The following TFDP2 variants were observed in gnomAD, a reference collection of about 807,000 sequenced individuals.
TFDP2 encodes the protein transcription factor Dp-2 (E2F dimerization partner 2).
Under a neutral mutation model 59.3 loss-of-function variants are expected in TFDP2, and 17 were observed. The ratio of observed to expected loss-of-function variants is 0.29; its 90% CI spans 0.20 to 0.43. The LOEUF is 0.43. Ranked by LOEUF, TFDP2 falls within the 20% of genes least tolerant of loss-of-function variation. The pLI, the probability that TFDP2 is intolerant of heterozygous loss-of-function variation, is 1.00. For synonymous variants in TFDP2, 180 were observed against 194.7 expected (o/e 0.92, Z 0.63); for missense variants, 391 against 528.8 (o/e 0.74, Z 2.56).
At position 142,046,800 on chromosome 3, in the gene TFDP2, G is replaced by A. The variant is rs78844587; in HGVS notation, c.83-41256C>T. On this transcript the variant is annotated intron_variant, in intron 3 of 12. Coordinates refer to ENST00000489671, the MANE Select transcript of TFDP2 (RefSeq NM_001178139.2). Reference sequence around the variant, plus strand: ...ATTGCCAATCTCTATTTGTAGCTTTGCTTTTTTGTGTATATTCCCAAATTT... The same window carrying A: ...ATTGCCAATCTCTATTTGTAGCTTTACTTTTTTGTGTATATTCCCAAATTT... 3.9e-5 allele frequency among the ~76,000 whole-genome samples: 6 copies of A among 152,090 alleles called. No individual in the cohort carries two copies. The East Asian group carries it at 1.2e-3, about 29-fold the overall frequency.
intron 3 of TFDP2, chr3:142,044,274 G>C (rs915399009): frequency 3.2e-5 from 6 of 189,406 alleles, no homozygotes; most frequent in Admixed American, 9.1e-5. Context: ...TCGCTCTGTC[G>C]CCAGGCTGGA....
Position 142,013,979 on chromosome 3 carries a change from C to T in TFDP2, c.83-8435G>A, listed in dbSNP as rs768913712. On this transcript the variant is annotated intron_variant, in intron 3 of 12. Transcript: ENST00000489671. ...TTAGGAAAAACCTTCTTCACCCAAGCCTACATCACATCCTCCTACAAGAAC... is the reference window on the plus strand; with the variant it reads ...TTAGGAAAAACCTTCTTCACCCAAGTCTACATCACATCCTCCTACAAGAAC... Among the ~76,000 whole-genome samples the T allele has an allele frequency of 3.4e-4, 51 of 152,166 alleles. 2 individuals carry two copies. The highest frequency in any genetic ancestry group is 6.8e-3 in the Middle Eastern group (2 of 294).
At chr3:142,042,514 G>T (rs1239110282) in intron 3 of TFDP2, among the ~76,000 whole-genome samples, 1 of 151,634 alleles carries the variant, frequency 6.6e-6, no homozygotes, top group Non-Finnish European at 1.5e-5. Flanking sequence ...TGGCCAGGAT[G>T]GTCTCGATCT....
intron 3 of TFDP2, among the ~76,000 whole-genome samples, chr3:142,067,392 T>C (rs1395389301): frequency 6.6e-6 from 1 of 151,398 alleles, no homozygotes; most frequent in East Asian, 1.9e-4. Context: ...ATGAAATACT[T>C]AGGTATAAAT....
intron 8 of TFDP2, among the ~76,000 whole-genome samples, chr3:141,973,423 T>C (rs1274492117): frequency 1.3e-5 from 2 of 152,102 alleles, no homozygotes; most frequent in South Asian, 2.1e-4. Flanking sequence ...ATGGCCATGA[T>C]AGTAAAATTA....
chr3:142,137,846 C>T (rs147879323), intron 1 of TFDP2, among the ~76,000 whole-genome samples: 12,651 of 149,500 alleles, frequency 0.085, 652 homozygotes, highest in Middle Eastern at 0.14. Context: ...TTCTCTTTTT[C>T]TGTCTCTGCC....
In TFDP2 at chr3:142,112,545, T is replaced by C. The variant is rs373318756; in HGVS notation, c.-92-10704A>G. Among the ~76,000 whole-genome samples, 11 of 152,308 alleles carry C rather than the reference T, an allele frequency of 7.2e-5. 1 individual carries two copies. The highest frequency in any genetic ancestry group is 2.6e-4 in the Admixed American group (4 of 15,298). On this transcript the variant is annotated intron_variant, in intron 1 of 12. Transcript: ENST00000489671. Reference sequence around the variant, plus strand: ...GAAAGACGTGGTAATAGGGAGCAAATGGGCTAACACTGTTACAGGTGAACA... The same window carrying C: ...GAAAGACGTGGTAATAGGGAGCAAACGGGCTAACACTGTTACAGGTGAACA...
chr3:141,989,441 G>A (rs1942500725), intron 6 of TFDP2: 1 of 152,196 alleles, frequency 6.6e-6, no homozygotes, highest in Non-Finnish European at 1.5e-5. Context: ...AACCTGTTCT[G>A]GGGCATACTA....
chr3:141,973,121 ATATTT>A (rs1294931360), intron 8 of TFDP2, among the ~76,000 whole-genome samples: 3 of 57,392 alleles, frequency 5.2e-5, no homozygotes, highest in Admixed American at 1.7e-4. Context: ...ATATATATAT[ATATTT>A]TTTTTTTTTA....
chr3:142,082,642 A>G (rs1429976181), intron 3 of TFDP2, among the ~76,000 whole-genome samples: 1 of 152,248 alleles, frequency 6.6e-6, no homozygotes, highest in African/African-American at 2.4e-5. Context: ...ACTAAACCGT[A>G]TTCAACAACA....
In TFDP2 at chr3:141,982,146, T is replaced by C. The variant is rs962141376; in HGVS notation, c.357-3464A>G. 4.6e-5 allele frequency among the ~76,000 whole-genome samples: 7 copies of C among 152,266 alleles called. No homozygotes were observed. In the East Asian group the frequency reaches 1.4e-3, roughly 29 times the overall value. On this transcript the variant is annotated intron_variant, in intron 6 of 12. Coordinates refer to ENST00000489671, the MANE Select transcript of TFDP2 (RefSeq NM_001178139.2). ...GATTTTAAATACTTAATATAAGGAA[T>C]GAATGTAAAATACCTCACTAGTGAT...
At chr3:142,047,755 G>C (rs1162759859) in intron 3 of TFDP2, among the ~76,000 whole-genome samples, 2 of 64,886 alleles carry the variant, frequency 3.1e-5, no homozygotes, top group Non-Finnish European at 3.0e-5. Context: ...TTTTTTTTTT[G>C]AGATGGAGTT....
At chr3:141,982,722 G>A (rs1388512493) in intron 6 of TFDP2, among the ~76,000 whole-genome samples, 1 of 152,162 alleles carries the variant, frequency 6.6e-6, no homozygotes, top group Non-Finnish European at 1.5e-5. Context: ...TAGTCCTTAA[G>A]TAGGAACAAC....
intron 6 of TFDP2, among the ~76,000 whole-genome samples, chr3:141,986,516 T>G (rs1169748404): frequency 6.6e-6 from 1 of 152,242 alleles, no homozygotes; most frequent in Non-Finnish European, 1.5e-5. Flanking sequence ...TGTATTTCAT[T>G]CATTTCATTG....
At chr3:142,009,724 A>G (rs565788226) in intron 3 of TFDP2, among the ~76,000 whole-genome samples, 40 of 150,586 alleles carry the variant, frequency 2.7e-4, no homozygotes, top group East Asian at 1.7e-3. Flanking sequence ...AAAAAAAAAA[A>G]AAAGAAAGAA....
At chr3:142,029,601 T>C (rs1227167936) in intron 3 of TFDP2, among the ~76,000 whole-genome samples, 1 of 152,154 alleles carries the variant, frequency 6.6e-6, no homozygotes, top group Non-Finnish European at 1.5e-5. Flanking sequence ...ACCATATGAC[T>C]GTCAATATTA....
chr3:142,101,149 A>T (rs1576985155), intron 2 of TFDP2, among the ~76,000 whole-genome samples: 1 of 152,176 alleles, frequency 6.6e-6, no homozygotes, highest in African/African-American at 2.4e-5. Context: ...AAACAAACTC[A>T]TTAATAAACA....
At chr3:141,973,993 G>C in intron 8 of TFDP2, 55 bp downstream of exon 8, 1 of 1,524,060 alleles carries the variant, frequency 6.6e-7, no homozygotes, top group Non-Finnish European at 8.9e-7. Context: ...AAATTAAAAT[G>C]CCTGTGATGT....
intron 3 of TFDP2, among the ~76,000 whole-genome samples, chr3:142,034,452 G>C (rs1292853929): frequency 1.3e-5 from 2 of 151,834 alleles, no homozygotes; most frequent in African/African-American, 4.8e-5. Context: ...AAGTACCTCT[G>C]ACACAACCAC....
Sources: gnomAD v4.1 joint callset for allele counts (sites outside exome capture counted in the v4.1 genomes callset) on GRCh38, gnomAD v4.1.1 for gene constraint, MANE v1.5 for transcripts, NCBI Gene and HGNC (gene_info 2026-07-23, HGNC 2026-07-21) for gene names.